OXR1: variants seen among roughly 807,000 people sequenced by gnomAD.
The protein encoded by OXR1 is oxidation resistance 1, also known as oxidation resistance protein 1.
In OXR1, 41 loss-of-function variants were observed where a neutral mutation model predicts 104.6. The observed-to-expected ratio is 0.39, with a 90% CI of 0.31 to 0.51. The LOEUF (loss-of-function observed/expected upper bound fraction) is 0.51. Among genes scored for constraint, OXR1 ranks in the 20% least tolerant of loss-of-function variants. The pLI, the probability that OXR1 is intolerant of heterozygous loss-of-function variation, is 0.77. For missense variants in OXR1, 955 were observed against 1,031.9 expected, an observed-to-expected ratio of 0.93 and a Z score of 1.02; for synonymous variants, 348 against 348.4, an observed-to-expected ratio of 1.00 and a Z score of 0.01.
chr8:106,620,005 G>A (rs768378549), intron 3 of OXR1, among the ~76,000 whole-genome samples: 1 of 151,990 alleles, frequency 6.6e-6, no homozygotes, highest in African/African-American at 2.4e-5. Context: ...TCTACAAGTG[G>A]ATCTGCTGTC....
At chr8:106,747,047 G>T (rs1835454342) in intron 16 of OXR1, among the ~76,000 whole-genome samples, 1 of 152,132 alleles carries the variant, frequency 6.6e-6, no homozygotes, top group South Asian at 2.1e-4. Flanking sequence ...GTGTTTAAAG[G>T]AGAGTACAGC....
intron 16 of OXR1, among the ~76,000 whole-genome samples, chr8:106,748,667 CA>C: frequency 7.6e-6 from 1 of 131,230 alleles, no homozygotes; most frequent in Middle Eastern, 5.3e-3. Flanking sequence ...CTCCCAAGTT[CA>C]AATGATTCCC....
intron 11 of OXR1, among the ~76,000 whole-genome samples, chr8:106,715,182 T>C (rs879507688): frequency 1.3e-5 from 2 of 151,892 alleles, no homozygotes; most frequent in Non-Finnish European, 1.5e-5. Context: ...ACAAATAATA[T>C]GTTGAGTAAA....
intron 3 of OXR1, among the ~76,000 whole-genome samples, chr8:106,667,019 C>G (rs1191081159): frequency 1.3e-5 from 2 of 152,144 alleles, no homozygotes; most frequent in Non-Finnish European, 2.9e-5. Context: ...TTCAAGTACT[C>G]ACAAGACAGA....
chr8:106,641,036 G>C (rs1167282023), intron 3 of OXR1, among the ~76,000 whole-genome samples: 2 of 152,218 alleles, frequency 1.3e-5, no homozygotes, highest in Admixed American at 1.3e-4. Context: ...ATAGACAGTA[G>C]TATAACTCTA....
At chr8:106,425,821 A>G (rs1467929080) in intron 2 of OXR1, among the ~76,000 whole-genome samples, 1 of 152,196 alleles carries the variant, frequency 6.6e-6, no homozygotes, top group Non-Finnish European at 1.5e-5. Context: ...TTATTCATTC[A>G]TTCAATAAAC....
chr8:106,621,360 A>G (rs1170158608), intron 3 of OXR1, among the ~76,000 whole-genome samples: 1 of 152,130 alleles, frequency 6.6e-6, no homozygotes, highest in Non-Finnish European at 1.5e-5. Context: ...CTGAGGTGAG[A>G]GGATTGCTTG....
intron 2 of OXR1, among the ~76,000 whole-genome samples, chr8:106,507,988 TTGGGACCTGA>T (rs900417231): frequency 6.6e-6 from 1 of 152,184 alleles, no homozygotes; most frequent in Non-Finnish European, 1.5e-5. Context: ...GCTTCTTCTT[TTGGGACCTGA>T]TGGCCCTCAG....
At chr8:106,500,508 T>G (rs1422819531) in intron 2 of OXR1, among the ~76,000 whole-genome samples, 1 of 152,198 alleles carries the variant, frequency 6.6e-6, no homozygotes, top group East Asian at 1.9e-4. Flanking sequence ...ATGTAAAATC[T>G]TTAGTGTTGT....
At position 106,750,911 on chromosome 8, in the gene OXR1, C is replaced by T. The variant is rs370486003; in HGVS notation, c.2592C>T (p.Ile864=). 1.1e-4 allele frequency: 174 copies of T among 1,605,792 alleles called. No homozygotes were observed. The highest frequency in any genetic ancestry group is 4.9e-4 in the Admixed American group (29 of 59,050). Reference sequence around the variant, plus strand: ...TTTCTAAGAAGGAAGATTTCTTTATCCAAGATATTGAAATCTGGGCTTTTG... The same window carrying T: ...TTTCTAAGAAGGAAGATTTCTTTATTCAAGATATTGAAATCTGGGCTTTTG... ...RTLSKKEDFF[I]QDIEIWAFE The change falls in exon 17 of 17, where the codon ATC becomes ATT. Residue 864 remains isoleucine (I), a synonymous_variant. Transcript: ENST00000517566.
At chr8:106,630,321 T>C (rs1202926844) in intron 3 of OXR1, among the ~76,000 whole-genome samples, 2 of 152,184 alleles carry the variant, frequency 1.3e-5, no homozygotes, top group South Asian at 2.1e-4. Flanking sequence ...TCATTCAATC[T>C]CTGAACAGAG....
At chr8:106,451,167 G>T (rs1283238515) in intron 2 of OXR1, among the ~76,000 whole-genome samples, 1 of 152,088 alleles carries the variant, frequency 6.6e-6, no homozygotes, top group Non-Finnish European at 1.5e-5. Context: ...TTGAGGTGAG[G>T]ACAAGAAGGC....
At chr8:106,498,069 C>T (rs1811534568) in intron 2 of OXR1, among the ~76,000 whole-genome samples, 1 of 152,138 alleles carries the variant, frequency 6.6e-6, no homozygotes, top group South Asian at 2.1e-4. Flanking sequence ...TAATTCCATG[C>T]TAGAAATTTG....
intron 2 of OXR1, among the ~76,000 whole-genome samples, chr8:106,374,775 C>T (rs1586580064): frequency 6.6e-6 from 1 of 152,290 alleles, no homozygotes; most frequent in Middle Eastern, 3.4e-3. Context: ...CAGCCAGATT[C>T]ACCAGGCCTC....
chr8:106,745,838 A>T lies in OXR1; in HGVS notation c.2462A>T (p.Asp821Val), dbSNP rs1835350438. ...DNMFFIKGDM[D>V]SLAFGGGGGE... ...ATGTTTTTTATCAAAGGAGACATGG[A>T]TTCACTAGCTTTCGGTGGTGGAGGG... The change falls in exon 16 of 17, where the codon GAT becomes GTT. Residue 821 changes from aspartate to valine, a missense_variant. Transcript: ENST00000517566. 3.8e-6 allele frequency: 6 copies of T among 1,591,776 alleles called. No homozygotes were observed. The highest frequency in any genetic ancestry group is 5.2e-6 in the Non-Finnish European group (6 of 1,160,814).
chr8:106,726,887 A>G (rs1366251837), intron 11 of OXR1, among the ~76,000 whole-genome samples: 1 of 152,144 alleles, frequency 6.6e-6, no homozygotes, highest in African/African-American at 2.4e-5. Context: ...CATTGTTATA[A>G]AATGTATTGT....
intron 3 of OXR1, among the ~76,000 whole-genome samples, chr8:106,584,393 T>C (rs778495179): frequency 6.6e-6 from 1 of 151,654 alleles, no homozygotes; most frequent in Non-Finnish European, 1.5e-5. Context: ...GACATGAGTT[T>C]CCAAATTGAA....
intron 1 of OXR1, among the ~76,000 whole-genome samples, chr8:106,282,069 C>G (rs1812313760): frequency 6.6e-6 from 1 of 152,120 alleles, no homozygotes; most frequent in Non-Finnish European, 1.5e-5. Flanking sequence ...TAATCATAGT[C>G]TCCAAGTTTA....
chr8:106,324,356 C>T (rs1586523826), intron 1 of OXR1, among the ~76,000 whole-genome samples: 1 of 152,054 alleles, frequency 6.6e-6, no homozygotes, highest in Middle Eastern at 3.4e-3. Context: ...CTGGGGTCTA[C>T]TTGAGGGAGG....
Sources: gnomAD v4.1 joint callset for allele counts (sites outside exome capture counted in the v4.1 genomes callset) on GRCh38, gnomAD v4.1.1 for gene constraint, MANE v1.5 for transcripts, NCBI Gene and HGNC (gene_info 2026-07-23, HGNC 2026-07-21) for gene names.